CHN1: variants seen among roughly 807,000 people sequenced by gnomAD.
CHN1 encodes the protein chimerin 1, also known as N-chimaerin.
Under a neutral mutation model 59.5 loss-of-function variants are expected in CHN1, and 37 were observed. The ratio of observed to expected loss-of-function variants is 0.62; its 90% CI spans 0.48 to 0.82. CHN1 has a LOEUF of 0.82. CHN1 is among the 40% of genes least tolerant of loss of function. CHN1 has a pLI of 0.00. For synonymous variants in CHN1, 206 were observed against 200.4 expected (o/e 1.03, Z -0.24); for missense variants, 469 against 571.0 (o/e 0.82, Z 1.82).
rs549074001 is a variant in CHN1 at position 174,905,132 on chromosome 2, G to A, written c.260+9926C>T. Among the ~76,000 whole-genome samples the A allele has an allele frequency of 2.6e-5, 4 of 152,092 alleles. No homozygotes were observed. The South Asian group carries it at 8.3e-4, about 32-fold the overall frequency. The stretch of plus-strand genomic sequence containing the variant: ...TGTTAAGTCCATTAAAAAAAATTTG[G>A]TGACTCCAAATCATTCACAGAAAAG... On this transcript the variant is annotated intron_variant, in intron 5 of 12. Coordinates refer to ENST00000409900, the MANE Select transcript of CHN1 (RefSeq NM_001822.7).
At chr2:174,820,585 C>T (rs1685450867) in intron 8 of CHN1, among the ~76,000 whole-genome samples, 1 of 152,212 alleles carries the variant, frequency 6.6e-6, no homozygotes, top group Non-Finnish European at 1.5e-5. Context: ...GTGGGTGAGA[C>T]TTTGCAATGC....
intron 4 of CHN1, among the ~76,000 whole-genome samples, chr2:174,917,219 G>A (rs1244594244): frequency 6.6e-6 from 1 of 152,088 alleles, no homozygotes; most frequent in African/African-American, 2.4e-5. Context: ...GATCACCTGA[G>A]GTCAAGAGTT....
At chr2:174,866,324 C>A (rs1028014641) in intron 6 of CHN1, among the ~76,000 whole-genome samples, 1 of 152,044 alleles carries the variant, frequency 6.6e-6, no homozygotes, top group Non-Finnish European at 1.5e-5. Flanking sequence ...TGTTTAAGTA[C>A]CTTTTTCTAA....
At chr2:174,837,587 G>A (rs1053672056) in intron 7 of CHN1, among the ~76,000 whole-genome samples, 7 of 152,178 alleles carry the variant, frequency 4.6e-5, no homozygotes, top group African/African-American at 1.4e-4. Flanking sequence ...ATAAGCAGCT[G>A]ATGATATGGT....
intron 1 of CHN1, among the ~76,000 whole-genome samples, chr2:174,955,120 T>C (rs35478845): frequency 0.052 from 7,704 of 148,514 alleles, 303 homozygotes; most frequent in African/African-American, 0.1. Flanking sequence ...TATAGATCTA[T>C]AGATCTAATA....
At chr2:174,896,701 T>C (rs1688227701) in intron 5 of CHN1, among the ~76,000 whole-genome samples, 1 of 152,138 alleles carries the variant, frequency 6.6e-6, no homozygotes, top group South Asian at 2.1e-4. Context: ...CCTCTTAATC[T>C]GCAAAGTAAA....
chr2:174,989,499 G>C (rs1691467347), intron 1 of CHN1, among the ~76,000 whole-genome samples: 1 of 152,206 alleles, frequency 6.6e-6, no homozygotes, highest in South Asian at 2.1e-4. Flanking sequence ...GCCTGGCATG[G>C]TGGATCACAC....
chr2:174,874,791 G>C (rs1020691415), intron 6 of CHN1, among the ~76,000 whole-genome samples: 11 of 151,822 alleles, frequency 7.2e-5, no homozygotes, highest in African/African-American at 2.7e-4. Flanking sequence ...CACTCTTATA[G>C]AGTCATAATC....
intron 6 of CHN1, among the ~76,000 whole-genome samples, chr2:174,860,333 A>T (rs2600697): frequency 0.049 from 7,437 of 152,238 alleles, 594 homozygotes; most frequent in African/African-American, 0.17. Flanking sequence ...TATAACAGAG[A>T]CTGCAGATTG....
chr2:174,940,958 T>C (rs1201736873), intron 3 of CHN1, among the ~76,000 whole-genome samples: 1 of 152,244 alleles, frequency 6.6e-6, no homozygotes, highest in African/African-American at 2.4e-5. Context: ...ACATTTTAAG[T>C]GTCATTTCTT....
At position 174,877,729 on chromosome 2, in the gene CHN1, T is replaced by C. The variant is rs1302587776; in HGVS notation, c.549+111A>G. The C allele has an allele frequency of 3.4e-6, 3 of 875,242 alleles. No individual in the cohort carries two copies. The East Asian group carries it at 8.1e-5, about 24-fold the overall frequency. The allele number at this position is 875,242 out of a possible 1,614,324, so 54.2% of individuals were successfully genotyped here. A position where few individuals can be genotyped will look rare whatever the true frequency, so the allele number is the denominator to read the frequency against. ...CACAGAAACTAGACATTAAGAAAAA[T>C]GAATATACTTTCCAAAGCACTGTGG... On this transcript the variant is annotated intron_variant, in intron 6 of 12. Coordinates refer to ENST00000409900, the MANE Select transcript of CHN1 (RefSeq NM_001822.7).
rs578011582 is a variant in CHN1 at position 174,836,111 on chromosome 2, T to C, written c.627+10769A>G. 9.8e-5 allele frequency among the ~76,000 whole-genome samples: 15 copies of C among 152,290 alleles called. No individual in the cohort carries two copies. The South Asian group carries it at 2.9e-3, about 29-fold the overall frequency. Reference sequence around the variant, plus strand: ...CCCCACGACCCCACCCTAATCTCTTTGTCCTTCACTGGGGTAGACCACAAG... The same window carrying C: ...CCCCACGACCCCACCCTAATCTCTTCGTCCTTCACTGGGGTAGACCACAAG... On this transcript the variant is annotated intron_variant, in intron 7 of 12. Coordinates refer to ENST00000409900, the MANE Select transcript of CHN1 (RefSeq NM_001822.7).
rs1297648972 is a variant in CHN1, at chr2:174,949,075, G to A, written c.58+3089C>T. On this transcript the variant is annotated intron_variant, in intron 2 of 12. Transcript: ENST00000409900. ...TGATGAAGTCAGGGTATAACAGGTC[G>A]GTCAGTCTTTAAAATTTTTCCTACT... 6.6e-5 allele frequency among the ~76,000 whole-genome samples: 10 copies of A among 152,082 alleles called. No individual in the cohort carries two copies. In the East Asian group the frequency reaches 1.5e-3, roughly 24 times the overall value.
Position 174,807,663 on chromosome 2 carries a change from C to A in CHN1, c.1102+1242G>T, listed in dbSNP as rs140377470. 7.0e-3 allele frequency among the ~76,000 whole-genome samples: 1,058 copies of A among 152,178 alleles called. 3 individuals are homozygous for A. The highest frequency in any genetic ancestry group is 0.011 in the Non-Finnish European group (753 of 68,014). ...ATTTTTCATGCTTTCTAACCTAATG[C>A]TTTGAAAGAAATCAGTGTAATTCTC... On this transcript the variant is annotated intron_variant, in intron 11 of 12. Transcript: ENST00000409900.
intron 1 of CHN1, among the ~76,000 whole-genome samples, chr2:174,994,266 T>C (rs541526442): frequency 1.3e-5 from 2 of 152,322 alleles, no homozygotes; most frequent in Non-Finnish European, 2.9e-5. Context: ...AGCTTACAGT[T>C]GGGGAATCCA....
chr2:174,816,222 G>T (rs895433403), intron 8 of CHN1, among the ~76,000 whole-genome samples: 2 of 152,186 alleles, frequency 1.3e-5, no homozygotes, highest in Non-Finnish European at 2.9e-5. Flanking sequence ...TCTACTATAG[G>T]GTGGAGAAGA....
intron 3 of CHN1, among the ~76,000 whole-genome samples, chr2:174,924,452 T>C (rs1186785547): frequency 1.3e-5 from 2 of 152,216 alleles, no homozygotes; most frequent in Non-Finnish European, 2.9e-5. Flanking sequence ...CTTGGTGTTT[T>C]CACTTCTTTT....
chr2:174,989,629 A>T (rs1195331878), intron 1 of CHN1, among the ~76,000 whole-genome samples: 1 of 151,776 alleles, frequency 6.6e-6, no homozygotes, highest in East Asian at 2.0e-4. Flanking sequence ...GTCTCTACAG[A>T]TTATTTAAAA....
At chr2:174,841,945 A>G (rs1686318033) in intron 7 of CHN1, among the ~76,000 whole-genome samples, 2 of 152,218 alleles carry the variant, frequency 1.3e-5, no homozygotes, top group African/African-American at 4.8e-5. Flanking sequence ...CAGATTCTCT[A>G]GTCAATATCA....
Sources: allele counts gnomAD v4.1 joint callset (sites outside exome capture counted in the v4.1 genomes callset), GRCh38; gene constraint gnomAD v4.1.1; transcripts MANE v1.5; gene names NCBI Gene and HGNC (gene_info 2026-07-23, HGNC 2026-07-21).